The following PROM1 variants were observed in gnomAD, a reference collection of about 807,000 sequenced individuals.
PROM1 encodes prominin 1.
In PROM1, 105 loss-of-function variants were observed where a neutral mutation model predicts 116.9. The ratio of observed to expected loss-of-function variants is 0.90; its 90% CI spans 0.77 to 1.06. The LOEUF is 1.06. Ranked by LOEUF, PROM1 falls within the 50% of genes least tolerant of loss-of-function variation. The pLI is 0.00. For synonymous variants in PROM1, 393 were observed against 387.0 expected, an observed-to-expected ratio of 1.02 and a Z score of -0.18; for missense variants, 1,122 against 1,045.2, an observed-to-expected ratio of 1.07 and a Z score of -1.01.
chr4:16,041,960 C>T (rs142743764), intron 2 of PROM1, among the ~76,000 whole-genome samples: 1,781 of 151,968 alleles, frequency 0.012, 20 homozygotes, highest in Admixed American at 0.017. Context: ...AAGTGCACGC[C>T]ACCATGCACA....
chr4:16,082,063 T>C (rs1165989587), intron 1 of PROM1: 2 of 152,186 alleles, frequency 1.3e-5, no homozygotes, highest in Admixed American at 1.3e-4. Flanking sequence ...AAGGAGGATT[T>C]CGCATAGGGT....
intron 15 of PROM1, among the ~76,000 whole-genome samples, chr4:15,995,567 C>G (rs1178015384): frequency 6.6e-6 from 1 of 152,168 alleles, no homozygotes; most frequent in African/African-American, 2.4e-5. Context: ...GAGGACTTTT[C>G]TCTGTCCTTT....
intron 10 of PROM1, among the ~76,000 whole-genome samples, chr4:16,015,545 C>T (rs1484735750): frequency 6.6e-6 from 1 of 151,324 alleles, no homozygotes; most frequent in African/African-American, 2.4e-5. Flanking sequence ...CAAAACTCAG[C>T]CAGGCATGTT....
At chr4:16,067,529 T>C (rs1246508617) in intron 2 of PROM1, among the ~76,000 whole-genome samples, 2 of 152,116 alleles carry the variant, frequency 1.3e-5, no homozygotes, top group African/African-American at 2.4e-5. Context: ...ATTCTGACTG[T>C]TAGGATGGCA....
intron 26 of PROM1, chr4:15,976,043 C>T (rs1416108787): frequency 8.2e-6 from 3 of 365,686 alleles, no homozygotes; most frequent in Non-Finnish European, 1.7e-5. Context: ...ATATCCCTAG[C>T]CCCAGGCTTC....
intron 23 of PROM1, among the ~76,000 whole-genome samples, chr4:15,981,048 G>A (rs1254833636): frequency 2.6e-5 from 4 of 151,222 alleles, no homozygotes; most frequent in Non-Finnish European, 4.4e-5. Flanking sequence ...TGCAAGCTCC[G>A]CCTCCTGGGT....
intron 11 of PROM1, 33 bp downstream of exon 11, chr4:16,013,242 A>G (rs1727373991): frequency 8.4e-6 from 13 of 1,550,902 alleles, no homozygotes; most frequent in Non-Finnish European, 1.2e-5. Flanking sequence ...CTGACCTACC[A>G]ATCACAAAAT....
At chr4:16,002,330 C>T (rs1247474548) in intron 13 of PROM1, among the ~76,000 whole-genome samples, 1 of 152,110 alleles carries the variant, frequency 6.6e-6, no homozygotes, top group Non-Finnish European at 1.5e-5. Flanking sequence ...CCCAATGTAC[C>T]CGGTGCGTAG....
At position 16,015,048 on chromosome 4, in the gene PROM1, A is replaced by G. The variant is rs118127007; in HGVS notation, c.1077+1118T>C. Among the ~76,000 whole-genome samples, 127 of 150,326 alleles carry G rather than the reference A, an allele frequency of 8.4e-4. 3 individuals are homozygous for G. The East Asian group carries it at 0.023, about 28-fold the overall frequency. ...TCAAGAAGCCCAGGAAAGGTCTGTT[A>G]AGAAGGTGATATATGGACCGGGCGT... On this transcript the variant is annotated intron_variant, in intron 10 of 27. Transcript: ENST00000447510.
At chr4:16,038,183 C>T (rs185171117) in intron 3 of PROM1, among the ~76,000 whole-genome samples, 1 of 152,262 alleles carries the variant, frequency 6.6e-6, no homozygotes, top group East Asian at 1.9e-4. Flanking sequence ...TTATCTCCAC[C>T]TTCCTTCATT....
Position 16,075,684 on chromosome 4 carries a change from T to C in PROM1, c.220+3A>G. The C allele has an allele frequency of 6.2e-7, 1 of 1,610,032 alleles. No individual in the cohort carries two copies. The highest frequency in any genetic ancestry group is 8.5e-7 in the Non-Finnish European group (1 of 1,177,694). On this transcript the variant is annotated splice_donor_region_variant and intron_variant, in intron 2 of 27. Coordinates refer to ENST00000447510, the MANE Select transcript of PROM1 (RefSeq NM_006017.3). ...CCTATCTTTCCCTGCCATCAGCACTTACCTTCTGGGAAATCACGCGGCTGT... is the reference window on the plus strand; with the variant it reads ...CCTATCTTTCCCTGCCATCAGCACTCACCTTCTGGGAAATCACGCGGCTGT...
chr4:16,028,580 A>T (rs574973740), intron 5 of PROM1, among the ~76,000 whole-genome samples: 12 of 152,340 alleles, frequency 7.9e-5, no homozygotes, highest in African/African-American at 2.6e-4. Flanking sequence ...TAAAGAACAA[A>T]GAAATTATGC....
At chr4:15,981,881 C>A (rs760587472) in intron 23 of PROM1, among the ~76,000 whole-genome samples, 11 of 152,174 alleles carry the variant, frequency 7.2e-5, no homozygotes, top group Non-Finnish European at 1.5e-4. Flanking sequence ...CTTGAAAATT[C>A]TAAAGTTCCA....
rs766065298 is a variant in PROM1, at chr4:15,984,337, A to G, written c.2299T>C (p.Ser767Pro). The G allele has an allele frequency of 1.3e-6, 2 of 1,596,706 alleles. No individual in the cohort carries two copies. Among genetic ancestry groups the G allele is most frequent in the African/African-American group, 1.3e-5 (1 of 74,702 alleles). ...IEFSISEKVA[S>P]CKPVATALDT... is the part of the protein sequence containing the mutation. ...AGAGCGGTGGCCACAGGTTTGCACG[A>G]TGCCACTTTCTCACTGATCTAGGGG... The change falls in exon 23 of 28, where the codon TCG (serine) becomes CCG (proline). Residue 767 changes from serine to proline, a missense_variant. Physicochemically the swap from Ser to Pro is moderately conservative, Grantham distance 74. Transcript: ENST00000447510.
chr4:15,993,736 C>T (rs1403840176), intron 16 of PROM1, among the ~76,000 whole-genome samples: 1 of 152,188 alleles, frequency 6.6e-6, no homozygotes, highest in Non-Finnish European at 1.5e-5. Context: ...AGTGAGACCC[C>T]TCTAGAGGCT....
intron 27 of PROM1, among the ~76,000 whole-genome samples, chr4:15,970,005 T>G (rs1226504196): frequency 6.6e-6 from 1 of 152,034 alleles, no homozygotes; most frequent in Non-Finnish European, 1.5e-5. Context: ...TGCATGAGTG[T>G]GTTGGCTATT....
chr4:16,079,793 A>T (rs534671688), intron 1 of PROM1: 1 of 152,086 alleles, frequency 6.6e-6, no homozygotes, highest in Non-Finnish European at 1.5e-5. Flanking sequence ...AATTCATGTC[A>T]CTTTCCAAGG....
intron 2 of PROM1, among the ~76,000 whole-genome samples, chr4:16,067,668 G>A (rs903039608): frequency 6.6e-6 from 1 of 152,218 alleles, no homozygotes; most frequent in African/African-American, 2.4e-5. Flanking sequence ...TTCTAAAGGC[G>A]ACAATGCTGG....
chr4:15,981,578 A>C (rs542942737), intron 23 of PROM1, among the ~76,000 whole-genome samples: 1 of 135,856 alleles, frequency 7.4e-6, no homozygotes, highest in Non-Finnish European at 1.6e-5. Flanking sequence ...TCTCAAAAAA[A>C]AGAAAAAAAA....
Sources: allele counts gnomAD v4.1 joint callset (sites outside exome capture counted in the v4.1 genomes callset), GRCh38; gene constraint gnomAD v4.1.1; transcripts MANE v1.5; gene names NCBI Gene and HGNC (gene_info 2026-07-23, HGNC 2026-07-21).